FBXL2: variants seen among roughly 807,000 people sequenced by gnomAD.
FBXL2 encodes F-box and leucine rich repeat protein 2, also known as F-box/LRR-repeat protein 2.
A neutral mutation model predicts 69.2 loss-of-function variants in FBXL2; 38 were observed. The observed-to-expected ratio is 0.55, with a 90% CI of 0.42 to 0.72. FBXL2 has a LOEUF of 0.72. Ranked by LOEUF, FBXL2 falls within the 30% of genes least tolerant of loss-of-function variation. The pLI is 0.00. For missense variants in FBXL2, 354 were observed against 520.3 expected, an observed-to-expected ratio of 0.68 and a Z score of 3.11; for synonymous variants, 192 against 201.3, an observed-to-expected ratio of 0.95 and a Z score of 0.39.
At chr3:33,406,958 G>A (rs545605846), downstream of FBXL2, among the ~76,000 whole-genome samples, 5 of 152,246 alleles carry the variant, frequency 3.3e-5, no homozygotes, top group East Asian at 1.9e-4. Flanking sequence ...GCATCTTTTC[G>A]ACTCTAACAG....
chr3:33,357,531 C>CTTTTTTT (rs11425930), intron 2 of FBXL2, among the ~76,000 whole-genome samples: 1 of 129,434 alleles, frequency 7.7e-6, no homozygotes, highest in Non-Finnish European at 1.6e-5. Context: ...TCCACTGAGT[C>CTTTTTTT]TTTTTTTTTT....
rs183300788 is a variant in FBXL2 at position 33,375,138 on chromosome 3, G to T, written c.658-150G>T. The T allele has an allele frequency of 1.2e-5, 10 of 838,314 alleles. No individual in the cohort carries two copies. In the Admixed American group the frequency reaches 1.5e-4, roughly 12 times the overall value. 51.9% of individuals were successfully genotyped at this position (838,314 alleles called of 1,614,324 possible). On this transcript the variant is annotated intron_variant, in intron 9 of 14. Transcript: ENST00000484457. ...CTGTGCAGAGATAACACAAGTACCT[G>T]TCTACCCTCTACTTATTTTGTTGAA...
intron 13 of FBXL2, among the ~76,000 whole-genome samples, chr3:33,381,082 T>C (rs1044723537): frequency 1.3e-5 from 2 of 152,216 alleles, no homozygotes; most frequent in African/African-American, 4.8e-5. Context: ...CGGATTTTCC[T>C]GTTAACTCAG....
chr3:33,302,682 T>C (rs1259191782), intron 2 of FBXL2, among the ~76,000 whole-genome samples: 1 of 152,188 alleles, frequency 6.6e-6, no homozygotes, highest in Non-Finnish European at 1.5e-5. Context: ...ATTACTATTA[T>C]TGATGTAATT....
At chr3:33,301,802 T>C (rs1035562749) in intron 2 of FBXL2, among the ~76,000 whole-genome samples, 8 of 152,170 alleles carry the variant, frequency 5.3e-5, no homozygotes, top group African/African-American at 1.9e-4. Flanking sequence ...CCATTATCTA[T>C]TAGTGAGTTG....
chr3:33,364,589 A>G (rs1304194985), intron 4 of FBXL2, 36 bp from the exon 5 acceptor site: 1 of 1,553,042 alleles, frequency 6.4e-7, no homozygotes, highest in East Asian at 2.2e-5. Flanking sequence ...GCATGAAAAA[A>G]CAGTATTTTT....
intron 12 of FBXL2, chr3:33,400,382 C>T (rs1210666254): frequency 2.4e-6 from 2 of 841,524 alleles, no homozygotes; most frequent in Admixed American, 6.9e-5. Context: ...AAAAAACACC[C>T]AAAAAGAGCA....
intron 2 of FBXL2, among the ~76,000 whole-genome samples, chr3:33,349,628 G>A (rs1157928279): frequency 1.3e-5 from 2 of 152,172 alleles, no homozygotes; most frequent in Non-Finnish European, 2.9e-5. Context: ...GAGTTTGGAA[G>A]TATTCCCTCT....
intron 1 of FBXL2, among the ~76,000 whole-genome samples, chr3:33,286,722 C>T (rs2034662005): frequency 6.6e-6 from 1 of 152,354 alleles, no homozygotes; most frequent in East Asian, 1.9e-4. Context: ...TTTACCTACT[C>T]AAGCCTCAGC....
chr3:33,386,127 T>G lies in FBXL2; in HGVS notation c.*519T>G, dbSNP rs1284938190. The G allele has an allele frequency of 6.0e-6, 1 of 165,912 alleles. No individual in the cohort carries two copies. The highest frequency in any genetic ancestry group is 1.3e-5 in the Non-Finnish European group (1 of 74,802). The allele number at this position is 165,912 out of a possible 1,614,324, so 10.3% of individuals were successfully genotyped here. A position where few individuals can be genotyped will look rare whatever the true frequency, so the allele number is the denominator to read the frequency against. ...CAAATTAATTCATAATGCCTGATAG[T>G]TTTATATATAGAGACTTATGTGGAA... is the stretch of plus-strand genomic sequence containing the variant. On this transcript the variant is annotated 3_prime_UTR_variant, in exon 15 of 15. Transcript: ENST00000484457.
At chr3:33,337,700 C>A (rs1450969124) in intron 2 of FBXL2, among the ~76,000 whole-genome samples, 2 of 152,164 alleles carry the variant, frequency 1.3e-5, no homozygotes. Flanking sequence ...TAATTTGATT[C>A]TATACCTAGA....
chr3:33,319,160 A>G (rs1376812143), intron 2 of FBXL2, among the ~76,000 whole-genome samples: 1 of 152,196 alleles, frequency 6.6e-6, no homozygotes, highest in East Asian at 1.9e-4. Context: ...AAATTTTACA[A>G]ACTAGGTACT....
intron 2 of FBXL2, among the ~76,000 whole-genome samples, chr3:33,336,315 A>T (rs965041260): frequency 6.6e-5 from 10 of 152,338 alleles, no homozygotes; most frequent in Non-Finnish European, 1.5e-4. Context: ...GATTTACCAA[A>T]GTACCCTTAC....
intron 12 of FBXL2, among the ~76,000 whole-genome samples, chr3:33,394,817 GT>G (rs76142927): frequency 0.032 from 3,481 of 110,402 alleles, 87 homozygotes; most frequent in African/African-American, 0.074. Context: ...CCCTCCACTT[GT>G]TTTTTTTTTT....
At chr3:33,398,925 T>C (rs1432256548) in intron 12 of FBXL2, among the ~76,000 whole-genome samples, 1 of 152,168 alleles carries the variant, frequency 6.6e-6, no homozygotes, top group African/African-American at 2.4e-5. Flanking sequence ...CTTAATCATA[T>C]AAAAATGTAG....
At chr3:33,412,598 G>T in the FBXL2 span, 31 of 540,416 alleles carry the variant, frequency 5.7e-5, no homozygotes, top group Non-Finnish European at 8.4e-5. Flanking sequence ...AAAAAAAAAA[G>T]ACACAAAATC....
chr3:33,392,971 T>A (rs1001213759), downstream of FBXL2: 3 of 311,742 alleles, frequency 9.6e-6, no homozygotes, highest in Non-Finnish European at 1.7e-5. Context: ...CATGTTTTTT[T>A]AAATTAGTCA....
At chr3:33,339,830 G>A (rs1476399413) in intron 2 of FBXL2, among the ~76,000 whole-genome samples, 1 of 152,170 alleles carries the variant, frequency 6.6e-6, no homozygotes, top group Non-Finnish European at 1.5e-5. Context: ...TGTGCACAAG[G>A]ATATTTATAG....
chr3:33,280,508 A>T (rs2033856671), intron 1 of FBXL2, among the ~76,000 whole-genome samples: 1 of 152,138 alleles, frequency 6.6e-6, no homozygotes, highest in African/African-American at 2.4e-5. Flanking sequence ...CCGGAGTTCA[A>T]GACCAGTCTG....
Sources: gnomAD v4.1 joint callset for allele counts (sites outside exome capture counted in the v4.1 genomes callset) on GRCh38, gnomAD v4.1.1 for gene constraint, MANE v1.5 for transcripts, NCBI Gene and HGNC (gene_info 2026-07-23, HGNC 2026-07-21) for gene names.